Variants in WDTC1 observed in about 807,000 individuals in gnomAD.
The protein encoded by WDTC1 is WD and tetratricopeptide repeats protein 1.
Under a neutral mutation model 76.0 loss-of-function variants are expected in WDTC1, and 12 were observed. The ratio of observed to expected loss-of-function variants is 0.16; its 90% CI spans 0.10 to 0.26. The LOEUF (loss-of-function observed/expected upper bound fraction) is 0.26, where lower values mean the gene tolerates loss of function less well. Among genes scored for constraint, WDTC1 ranks in the 10% least tolerant of loss-of-function variants. The pLI is 1.00. For synonymous variants in WDTC1, 326 were observed against 350.8 expected (o/e 0.93, Z 0.79); for missense variants, 511 against 908.8 (o/e 0.56, Z 5.63).
intron 5 of WDTC1, among the ~76,000 whole-genome samples, chr1:27,283,966 T>C (rs2013262394): frequency 6.6e-6 from 1 of 152,260 alleles, no homozygotes; most frequent in Non-Finnish European, 1.5e-5. Context: ...TTATCTGTTC[T>C]ACCCCTTCAT....
chr1:27,266,195 G>C (rs918781926), intron 3 of WDTC1, among the ~76,000 whole-genome samples: 1 of 152,142 alleles, frequency 6.6e-6, no homozygotes, highest in Non-Finnish European at 1.5e-5. Context: ...AGCATTTAGA[G>C]AGTACCTACT....
At chr1:27,289,766 C>G (rs1009451393) in intron 6 of WDTC1, among the ~76,000 whole-genome samples, 2 of 151,914 alleles carry the variant, frequency 1.3e-5, no homozygotes, top group African/African-American at 4.8e-5. Flanking sequence ...GCGGATCACT[C>G]GCGGTTAGGA....
chr1:27,256,139 A>G (rs1421594338), intron 1 of WDTC1, among the ~76,000 whole-genome samples: 1 of 152,228 alleles, frequency 6.6e-6, no homozygotes, highest in Non-Finnish European at 1.5e-5. Context: ...AAACTGGGCA[A>G]TAGGCAGGAC....
chr1:27,295,041 G>A (rs906659707), intron 9 of WDTC1, among the ~76,000 whole-genome samples: 1 of 152,178 alleles, frequency 6.6e-6, no homozygotes, highest in Non-Finnish European at 1.5e-5. Flanking sequence ...GCAGCTCAGA[G>A]CAAGCTGTGG....
At chr1:27,235,398 G>C (rs1171087229) in intron 1 of WDTC1, among the ~76,000 whole-genome samples, 1 of 19,856 alleles carries the variant, frequency 5.0e-5, no homozygotes, top group Non-Finnish European at 1.1e-4. Flanking sequence ...CTCTTTCTGT[G>C]TGTGTGTGTG....
At position 27,305,248 on chromosome 1, in the gene WDTC1, G is replaced by A; in HGVS notation, c.1836+55G>A. 1 of 1,569,926 alleles carries A rather than the reference G, an allele frequency of 6.4e-7. No homozygotes were observed. The highest frequency in any genetic ancestry group is 8.6e-7 in the Non-Finnish European group (1 of 1,157,780). On this transcript the variant is annotated intron_variant, in intron 15 of 15. Coordinates refer to ENST00000319394, the MANE Select transcript of WDTC1 (RefSeq NM_001276252.2). This position sits in a 1 kb window ranked among gnomAD's most constrained non-coding sequence, Gnocchi z 4.6. ...GGCAGGGACTCTGTGGAAGGCTCCA[G>A]TGGAGCCTGCTAGCGCAGGGAAGAG...
At position 27,306,735 on chromosome 1, in the gene WDTC1, G is replaced by C. The variant is rs1182240947; in HGVS notation, c.*352G>C. On this transcript the variant is annotated 3_prime_UTR_variant, in exon 16 of 16. Transcript: ENST00000319394. The surrounding 1 kb of genome is among the most constrained non-coding windows in gnomAD (Gnocchi z 5.0). The stretch of plus-strand genomic sequence containing the variant: ...ACAAGCTGAACTGTCTTCAGGGACT[G>C]TCCTGCCCTTTAGCTGGCAGCAGCA... 3.5e-6 allele frequency: 1 copy of C among 284,842 alleles called. No individual in the cohort carries two copies. Among genetic ancestry groups the C allele is most frequent in the Non-Finnish European group, 6.7e-6 (1 of 149,650 alleles). 17.6% of individuals were successfully genotyped at this position (284,842 alleles called of 1,614,324 possible). A position where few individuals can be genotyped will look rare whatever the true frequency, so the allele number is the denominator to read the frequency against.
At position 27,303,296 on chromosome 1, in the gene WDTC1, G is replaced by C. The variant is rs1489315424; in HGVS notation, c.1469-325G>C. ...AAAAAAAGTCATCCATTCTCTCTTT[G>C]CTAGTGCCTCACTCTACCCTCCCCT... On this transcript the variant is annotated intron_variant, in intron 13 of 15. Transcript: ENST00000319394. This position sits in a 1 kb window ranked among gnomAD's most constrained non-coding sequence, Gnocchi z 4.8. 1.3e-5 allele frequency among the ~76,000 whole-genome samples: 2 copies of C among 150,654 alleles called. No homozygotes were observed. The highest frequency in any genetic ancestry group is 4.9e-5 in the African/African-American group (2 of 40,966).
chr1:27,245,672 C>T (rs540510024), intron 1 of WDTC1, among the ~76,000 whole-genome samples: 11 of 151,220 alleles, frequency 7.3e-5, no homozygotes, highest in South Asian at 4.2e-4. Flanking sequence ...CGGGTTCAGA[C>T]GATTCTCCTG....
chr1:27,288,788 C>G lies in WDTC1; in HGVS notation c.479+927C>G, dbSNP rs1425403227. 8.8e-3 allele frequency among the ~76,000 whole-genome samples: 1,339 copies of G among 152,056 alleles called. 21 individuals carry two copies. The highest frequency in any genetic ancestry group is 0.03 in the African/African-American group (1,251 of 41,512). Reference sequence around the variant, plus strand: ...CACGGCAACCATCCGATTTCTCAATCTTTTCCCCACCTTTCCCCCCTTTCT... The same window carrying G: ...CACGGCAACCATCCGATTTCTCAATGTTTTCCCCACCTTTCCCCCCTTTCT... On this transcript the variant is annotated intron_variant, in intron 6 of 15. Transcript: ENST00000319394.
At chr1:27,251,449 C>T (rs1464547426) in intron 1 of WDTC1, among the ~76,000 whole-genome samples, 1 of 151,982 alleles carries the variant, frequency 6.6e-6, no homozygotes, top group Non-Finnish European at 1.5e-5. Flanking sequence ...AATCTCAGCT[C>T]CCAGAAATCA....
intron 6 of WDTC1, 32 bp from the exon 7 acceptor site, chr1:27,292,183 C>T (rs41291066): frequency 2.2e-5 from 33 of 1,487,474 alleles, no homozygotes; most frequent in Non-Finnish European, 3.0e-5. Flanking sequence ...GGACCCCAAG[C>T]CCCAATTCCC....
intron 4 of WDTC1, 118 bp from the exon 5 acceptor site, chr1:27,283,220 G>T (rs2013240320): frequency 2.5e-6 from 2 of 804,920 alleles, no homozygotes; most frequent in Non-Finnish European, 4.0e-6. Flanking sequence ...CTTAAATTCT[G>T]TGACATTTAC....
intron 1 of WDTC1, among the ~76,000 whole-genome samples, chr1:27,260,078 A>T (rs1406984660): frequency 6.6e-6 from 1 of 151,320 alleles, no homozygotes; most frequent in Non-Finnish European, 1.5e-5. Context: ...ACCTACCAGG[A>T]TTTTTTTTGT....
At chr1:27,300,058 C>T (rs965704158) in intron 12 of WDTC1, among the ~76,000 whole-genome samples, 5 of 152,204 alleles carry the variant, frequency 3.3e-5, no homozygotes, top group African/African-American at 2.4e-5. Context: ...CTCATCCTGA[C>T]GCAGGCCACG....
At chr1:27,246,898 A>G (rs1235430893) in intron 1 of WDTC1, among the ~76,000 whole-genome samples, 4 of 115,272 alleles carry the variant, frequency 3.5e-5, no homozygotes, top group African/African-American at 1.4e-4. Context: ...ACAGGGTCTC[A>G]CTCTGTCACC....
In WDTC1 at chr1:27,307,465, C is replaced by T. The variant is rs41291072; in HGVS notation, c.*1082C>T. The T allele has an allele frequency of 0.012, 1,860 of 154,184 alleles. 17 individuals carry two copies. The highest frequency in any genetic ancestry group is 0.018 in the Non-Finnish European group (1,262 of 69,048). 9.6% of individuals were successfully genotyped at this position (154,184 alleles called of 1,614,324 possible). A position where few individuals can be genotyped will look rare whatever the true frequency, so the allele number is the denominator to read the frequency against. On this transcript the variant is annotated 3_prime_UTR_variant, in exon 16 of 16. Transcript: ENST00000319394. This position sits in a 1 kb window ranked among gnomAD's most constrained non-coding sequence, Gnocchi z 4.1. ...CCAGGCCTCTCCTCCCCTCTGCCCCCGGCTCTTAGCTCCAGCTGCTCCAGG... is the reference window on the plus strand; with the variant it reads ...CCAGGCCTCTCCTCCCCTCTGCCCCTGGCTCTTAGCTCCAGCTGCTCCAGG...
intron 1 of WDTC1, 113 bp downstream of exon 1, chr1:27,235,064 G>A (rs1004902276): frequency 2.4e-5 from 8 of 335,250 alleles, no homozygotes; most frequent in Non-Finnish European, 4.3e-5. Flanking sequence ...TGCCGGCCTG[G>A]GGGCCTGAGC....
intron 9 of WDTC1, 90 bp from the exon 10 acceptor site, chr1:27,296,236 T>C: frequency 7.0e-7 from 1 of 1,431,660 alleles, no homozygotes; most frequent in Non-Finnish European, 9.9e-7. Context: ...TCCAAGACTC[T>C]AGTTCTTGAG....
Sources: gnomAD v4.1 joint callset for allele counts (sites outside exome capture counted in the v4.1 genomes callset) on GRCh38, gnomAD v4.1.1 for gene constraint, Gnocchi (gnomAD v3.1) non-coding constraint, MANE v1.5 for transcripts, NCBI Gene and HGNC (gene_info 2026-07-23, HGNC 2026-07-21) for gene names.